Variants in ZBBX observed in about 807,000 individuals in gnomAD.
ZBBX encodes the protein zinc finger B-box domain containing, also known as zinc finger B-box domain-containing protein 1.
ZBBX carries 101 observed loss-of-function variants against 108.5 expected under a neutral mutation model. The observed-to-expected ratio is 0.93, with a 90% CI of 0.79 to 1.10. The LOEUF is 1.10. ZBBX is among the 50% of genes least tolerant of loss of function. The pLI is 0.00. For synonymous variants in ZBBX, 356 were observed against 323.4 expected, an observed-to-expected ratio of 1.10 and a Z score of -1.08; for missense variants, 1,009 against 941.4, an observed-to-expected ratio of 1.07 and a Z score of -0.94.
intron 20 of ZBBX, among the ~76,000 whole-genome samples, chr3:167,271,436 C>T (rs1416136978): frequency 6.6e-6 from 1 of 152,144 alleles, no homozygotes; most frequent in East Asian, 1.9e-4. Context: ...TCCTCTACTG[C>T]AGTCCCTGTC....
Position 167,350,540 on chromosome 3 carries a change from T to C in ZBBX, c.433-25A>G, listed in dbSNP as rs1218781846. On this transcript the variant is annotated intron_variant, in intron 8 of 21. Coordinates refer to ENST00000675490, the MANE Select transcript of ZBBX (RefSeq NM_001199201.2). ...CCTAAAAAGATATTTTTTAAAAAAT[T>C]ATACAATCTTATAAAATAGTATGAT... 2.7e-6 allele frequency: 4 copies of C among 1,462,040 alleles called. No homozygotes were observed. The South Asian group carries it at 5.3e-5, about 19-fold the overall frequency. 90.6% of individuals were successfully genotyped at this position (1,462,040 alleles called of 1,614,324 possible).
chr3:167,338,777 G>C (rs553315802), intron 9 of ZBBX, among the ~76,000 whole-genome samples: 2 of 152,188 alleles, frequency 1.3e-5, no homozygotes, highest in South Asian at 4.1e-4. Context: ...TAGAGGTAGA[G>C]AGAGAGATAC....
chr3:167,214,865 A>G, the ZBBX span, among the ~76,000 whole-genome samples: 10 of 152,164 alleles, frequency 6.6e-5, no homozygotes, highest in South Asian at 2.1e-4. Flanking sequence ...CGTGGAAAGT[A>G]AAACAACATT....
At chr3:167,223,846 T>C in the ZBBX span, among the ~76,000 whole-genome samples, 1 of 151,974 alleles carries the variant, frequency 6.6e-6, no homozygotes, top group Non-Finnish European at 1.5e-5. Flanking sequence ...TTTTATGTCC[T>C]TATTGCTCCA....
At chr3:167,339,046 T>C (rs1255171890) in intron 9 of ZBBX, among the ~76,000 whole-genome samples, 1 of 152,184 alleles carries the variant, frequency 6.6e-6, no homozygotes, top group Non-Finnish European at 1.5e-5. Flanking sequence ...TGTTCTGATT[T>C]CTTTGATGTG....
At chr3:167,253,025 A>G (rs1156813091) in intron 20 of ZBBX, among the ~76,000 whole-genome samples, 1 of 152,216 alleles carries the variant, frequency 6.6e-6, no homozygotes, top group African/African-American at 2.4e-5. Flanking sequence ...TTTATGTTTG[A>G]TTTTTAATAA....
At chr3:167,352,318 A>G (rs1742799339) in intron 8 of ZBBX, among the ~76,000 whole-genome samples, 1 of 152,168 alleles carries the variant, frequency 6.6e-6, no homozygotes, top group Admixed American at 6.6e-5. Context: ...AACTGATACC[A>G]TAGAAATACA....
intron 1 of ZBBX, among the ~76,000 whole-genome samples, chr3:167,387,488 T>C (rs1343406544): frequency 6.6e-6 from 1 of 152,006 alleles, no homozygotes; most frequent in African/African-American, 2.4e-5. Context: ...CGTAGGAACA[T>C]CATACTGGTA....
At chr3:167,247,977 A>G (rs1560020064) in intron 20 of ZBBX, among the ~76,000 whole-genome samples, 2 of 152,136 alleles carry the variant, frequency 1.3e-5, no homozygotes, top group African/African-American at 2.4e-5. Flanking sequence ...AATGGCTTTT[A>G]TCTCTTTCTT....
At chr3:167,196,032 T>C in the ZBBX span, among the ~76,000 whole-genome samples, 3 of 152,316 alleles carry the variant, frequency 2.0e-5, no homozygotes, top group African/African-American at 7.2e-5. Context: ...CATTAATTGT[T>C]AAAATCATTA....
At chr3:167,306,151 A>C (rs1315982885) in intron 16 of ZBBX, among the ~76,000 whole-genome samples, 1 of 152,200 alleles carries the variant, frequency 6.6e-6, no homozygotes, top group Admixed American at 6.5e-5. Flanking sequence ...TTATAGAACC[A>C]AACATTAATG....
intron 2 of ZBBX, among the ~76,000 whole-genome samples, chr3:167,375,284 G>C (rs1177552982): frequency 6.6e-6 from 1 of 152,100 alleles, no homozygotes; most frequent in Non-Finnish European, 1.5e-5. Flanking sequence ...CGCCTCTTTT[G>C]AAACTGTCTA....
intron 18 of ZBBX, among the ~76,000 whole-genome samples, chr3:167,296,316 A>T (rs1213565231): frequency 2.0e-5 from 3 of 152,072 alleles, no homozygotes; most frequent in Non-Finnish European, 2.9e-5. Flanking sequence ...TGAAAAATAG[A>T]ACATTTCTAA....
chr3:167,252,049 C>T, intron 20 of ZBBX: 3 of 929,214 alleles, frequency 3.2e-6, no homozygotes, highest in Non-Finnish European at 4.4e-6. Flanking sequence ...TTAAACACCT[C>T]TGCCCTTCTC....
At chr3:167,340,847 G>A (rs1740417872) in intron 9 of ZBBX, among the ~76,000 whole-genome samples, 1 of 151,860 alleles carries the variant, frequency 6.6e-6, no homozygotes, top group African/African-American at 2.4e-5. Context: ...AGAGAAACAG[G>A]AGGAAAATAA....
At chr3:167,342,563 C>G (rs564073616) in intron 9 of ZBBX, among the ~76,000 whole-genome samples, 6 of 151,676 alleles carry the variant, frequency 4.0e-5, no homozygotes, top group African/African-American at 1.2e-4. Context: ...CCGTAGGTAC[C>G]ATGTTGTACA....
chr3:167,279,256 G>T (rs1202072313), intron 20 of ZBBX, among the ~76,000 whole-genome samples: 1 of 152,076 alleles, frequency 6.6e-6, no homozygotes, highest in East Asian at 1.9e-4. Flanking sequence ...GGGCAATTAG[G>T]CAGGAGAAGG....
chr3:167,378,777 C>T (rs1747357526), intron 2 of ZBBX, among the ~76,000 whole-genome samples: 1 of 152,146 alleles, frequency 6.6e-6, no homozygotes, highest in African/African-American at 2.4e-5. Context: ...TAGTGTTTAC[C>T]TCTCTGCTCA....
At chr3:167,293,244 C>CA (rs1416962464) in intron 18 of ZBBX, among the ~76,000 whole-genome samples, 2 of 151,878 alleles carry the variant, frequency 1.3e-5, no homozygotes, top group East Asian at 3.9e-4. Context: ...AGAGACAAAA[C>CA]AAAAAAAGAA....
Sources: allele counts gnomAD v4.1 joint callset (sites outside exome capture counted in the v4.1 genomes callset), GRCh38; gene constraint gnomAD v4.1.1; transcripts MANE v1.5; gene names NCBI Gene and HGNC (gene_info 2026-07-23, HGNC 2026-07-21).